STRA8: variants seen among roughly 807,000 people sequenced by gnomAD.
STRA8 encodes the protein stimulated by retinoic acid 8.
In STRA8, 18 loss-of-function variants were observed where a neutral mutation model predicts 37.1. The ratio of observed to expected loss-of-function variants is 0.48; its 90% confidence interval spans 0.34 to 0.72. The LOEUF is 0.72. STRA8 is among the 30% of genes least tolerant of loss of function. The pLI is 0.01. For missense variants in STRA8, 357 were observed against 410.4 expected, an observed-to-expected ratio of 0.87 and a Z score of 1.13; for synonymous variants, 168 against 162.9, an observed-to-expected ratio of 1.03 and a Z score of -0.24.
intron 8 of STRA8, 146 bp from the exon 9 acceptor site, chr7:135,258,272 C>G (rs1381473682): frequency 1.5e-5 from 9 of 591,644 alleles, no homozygotes; most frequent in South Asian, 2.2e-5. Flanking sequence ...TGCTTCCTGG[C>G]CCAAGCTGGA....
At position 135,246,114 on chromosome 7, in the gene STRA8, T is replaced by C; in HGVS notation, c.594-303T>C. 2.3e-6 allele frequency: 1 copy of C among 432,454 alleles called. No individual in the cohort carries two copies. Among genetic ancestry groups the C allele is most frequent in the East Asian group, 4.7e-5 (1 of 21,142 alleles). The allele number at this position is 432,454 out of a possible 1,614,324, so 26.8% of individuals were successfully genotyped here. A position where few individuals can be genotyped will look rare whatever the true frequency, so the allele number is the denominator to read the frequency against. ...CTCAGAATTTTCAAGAATATTCCCT[T>C]AGGATGAGAGCTGAGGCAGCTACGC... is the stretch of plus-strand genomic sequence containing the variant. On this transcript the variant is annotated intron_variant, in intron 5 of 8. Coordinates refer to ENST00000662584, the MANE Select transcript of STRA8 (RefSeq NM_001394401.1). This position sits in a 1 kb window ranked among gnomAD's most constrained non-coding sequence, Gnocchi z 5.4.
rs1832554551 is a variant in STRA8 at position 135,246,411 on chromosome 7, T to C, written c.594-6T>C. On this transcript the variant is annotated splice_polypyrimidine_tract_variant and splice_region_variant and intron_variant, in intron 5 of 8. Coordinates refer to ENST00000662584, the MANE Select transcript of STRA8 (RefSeq NM_001394401.1). This position sits in a 1 kb window ranked among gnomAD's most constrained non-coding sequence, Gnocchi z 5.4. ...GGGGTGCGAGACGGCGCCGCTTCTG[T>C]TCCAGGTATCTCAACTTTTACAAAC... 6.3e-7 allele frequency: 1 copy of C among 1,598,104 alleles called. No individual in the cohort carries two copies. Among genetic ancestry groups the C allele is most frequent in the Non-Finnish European group, 8.5e-7 (1 of 1,171,458 alleles).
At position 135,252,013 on chromosome 7, in the gene STRA8, A is replaced by AGAGTGTGTGTGT. The variant is rs142941773; in HGVS notation, c.953+145_953+146insAGTGTGTGTGTG. 6.5e-4 allele frequency: 327 copies of AGAGTGTGTGTGT among 505,352 alleles called. 1 individual carries two copies. The highest frequency in any genetic ancestry group is 4.7e-3 in the African/African-American group (214 of 45,076). 31.3% of individuals were successfully genotyped at this position (505,352 alleles called of 1,614,324 possible). ...AGAGGAGACAGAGGGAGAGAGAGAG[A>AGAGTGTGTGTGT]GTGTGTGTGTGTGTGTGTGTGTGTG... On this transcript the variant is annotated intron_variant, in intron 7 of 8. Transcript: ENST00000662584.
intron 1 of STRA8, among the ~76,000 whole-genome samples, chr7:135,235,665 C>T (rs568093320): frequency 6.6e-6 from 1 of 152,326 alleles, no homozygotes; most frequent in Admixed American, 6.5e-5. Flanking sequence ...TGGTCTTGAA[C>T]TCCTTACCTC....
intron 7 of STRA8, among the ~76,000 whole-genome samples, chr7:135,253,458 C>G (rs1832664855): frequency 6.6e-6 from 1 of 152,112 alleles, no homozygotes; most frequent in African/African-American, 2.4e-5. Context: ...GGAGGGGGCT[C>G]TGGGGCACAG....
chr7:135,258,404 C>T lies in STRA8; in HGVS notation c.1066-14C>T. The T allele has an allele frequency of 6.3e-7, 1 of 1,592,920 alleles. No homozygotes were observed. On this transcript the variant is annotated splice_polypyrimidine_tract_variant and intron_variant, in intron 8 of 8. Coordinates refer to ENST00000662584, the MANE Select transcript of STRA8 (RefSeq NM_001394401.1). The stretch of plus-strand genomic sequence containing the variant: ...CAGATAAAAAGTGACCCTCTTCCAC[C>T]CTGTGTCTTGCAGGAAGCATCCTTT...
Position 135,255,190 on chromosome 7 carries a change from A to T in STRA8, c.1030A>T (p.Lys344Ter). The change falls in exon 8 of 9, where the codon AAA becomes TAA. Residue 344 changes from lysine to a stop codon, truncating the protein, a stop_gained. Coordinates refer to ENST00000662584, the MANE Select transcript of STRA8 (RefSeq NM_001394401.1). LOFTEE classifies it low-confidence loss of function (END_TRUNC). ...CTATATGCAGATCATCAACTTTTTT[A>T]AAGGCCTTAGCTGTGCAAACACTCA... Reference protein sequence around the residue: ...QLYMQIINFFKGLSCANTQVK... With the variant: ...QLYMQIINFF The T allele has an allele frequency of 6.2e-7, 1 of 1,613,942 alleles. No homozygotes were observed. The highest frequency in any genetic ancestry group is 8.5e-7 in the Non-Finnish European group (1 of 1,179,830).
chr7:135,245,548 T>C (rs1425677623), intron 5 of STRA8, among the ~76,000 whole-genome samples, 21 bp downstream of exon 5: 1 of 152,042 alleles, frequency 6.6e-6, no homozygotes, highest in African/African-American at 2.4e-5. Context: ...TTGGGTGGGG[T>C]GGCTCTGTGC....
chr7:135,233,018 A>G (rs1286263110), upstream of STRA8, among the ~76,000 whole-genome samples: 1 of 152,204 alleles, frequency 6.6e-6, no homozygotes, highest in African/African-American at 2.4e-5. Context: ...CCAAATGTGT[A>G]GGGCCTCGCT....
chr7:135,252,016 GT>G, intron 7 of STRA8, 147 bp downstream of exon 7: 2 of 634,002 alleles, frequency 3.2e-6, no homozygotes, highest in East Asian at 2.9e-5. Flanking sequence ...GAGAGAGAGT[GT>G]GTGTGTGTGT....
At position 135,246,509 on chromosome 7, in the gene STRA8, C is replaced by T. The variant is rs1832557728; in HGVS notation, c.686C>T (p.Ala229Val). ...QEAALPIVSA[A>V]ISHLWQNLSE... is the part of the protein sequence containing the mutation. Reference sequence around the variant, plus strand: ...GCGGCGCTGCCCATCGTCTCCGCGGCCATCTCCCACCTGTGGCAGAACCTC... The same window carrying T: ...GCGGCGCTGCCCATCGTCTCCGCGGTCATCTCCCACCTGTGGCAGAACCTC... Residue 229 changes from alanine (A) to valine (V), a missense_variant, in exon 6 of 9, where the codon GCC (alanine) becomes GTC (valine). Ala to Val is a moderately conservative substitution (Grantham distance 64, BLOSUM62 0). Coordinates refer to ENST00000662584, the MANE Select transcript of STRA8 (RefSeq NM_001394401.1). The surrounding 1 kb of genome is among the most constrained non-coding windows in gnomAD (Gnocchi z 5.4). 6.3e-7 allele frequency: 1 copy of T among 1,575,964 alleles called. No individual in the cohort carries two copies. The highest frequency in any genetic ancestry group is 8.6e-7 in the Non-Finnish European group (1 of 1,160,632).
chr7:135,245,949 C>T (rs757869047), intron 5 of STRA8, among the ~76,000 whole-genome samples: 3 of 152,170 alleles, frequency 2.0e-5, no homozygotes, highest in Non-Finnish European at 4.4e-5. Flanking sequence ...ACTGCCTCCT[C>T]CATAGACTCA....
chr7:135,239,505 C>T (rs1376711035), intron 1 of STRA8, among the ~76,000 whole-genome samples: 2 of 152,226 alleles, frequency 1.3e-5, no homozygotes, highest in African/African-American at 4.8e-5. Flanking sequence ...AACTCCAGTA[C>T]TGAGCACCTA....
At chr7:135,257,573 C>T (rs1427260177) in intron 8 of STRA8, among the ~76,000 whole-genome samples, 5 of 151,972 alleles carry the variant, frequency 3.3e-5, no homozygotes, top group Admixed American at 2.0e-4. Flanking sequence ...TACAGGCGCA[C>T]ACCACCATGC....
intron 1 of STRA8, among the ~76,000 whole-genome samples, chr7:135,234,867 T>C (rs1018741533): frequency 6.6e-6 from 1 of 152,194 alleles, no homozygotes. Flanking sequence ...CAATAAGTTT[T>C]GGTTTTCTTT....
chr7:135,233,989 G>A lies in STRA8; in HGVS notation c.-7+86G>A, dbSNP rs1277602953. On this transcript the variant is annotated intron_variant, in intron 1 of 8. Transcript: ENST00000662584. ...TAGACTTGAAAGAATTCAGTGCAGC[G>A]GAGCCTAACAGGTGAACTTTTAGCG... Among the ~76,000 whole-genome samples, 5 of 152,234 alleles carry A rather than the reference G, an allele frequency of 3.3e-5. No individual in the cohort carries two copies. In the East Asian group the frequency reaches 5.8e-4, roughly 18 times the overall value.
In STRA8 at chr7:135,246,791, T is replaced by C. The variant is rs1392181939; in HGVS notation, c.879+89T>C. 1.5e-6 allele frequency: 2 copies of C among 1,357,028 alleles called. No individual in the cohort carries two copies. Among genetic ancestry groups the C allele is most frequent in the African/African-American group, 1.5e-5 (1 of 66,830 alleles). The allele number at this position is 1,357,028 out of a possible 1,614,324, so 84.1% of individuals were successfully genotyped here. A position where few individuals can be genotyped will look rare whatever the true frequency, so the allele number is the denominator to read the frequency against. ...ACACCAGGGCTTTGCATTTAGCAGG[T>C]TGGAGGTGCAGTTTGCCTTCTGGCT... On this transcript the variant is annotated intron_variant, in intron 6 of 8. Transcript: ENST00000662584. This position sits in a 1 kb window ranked among gnomAD's most constrained non-coding sequence, Gnocchi z 5.4.
intron 1 of STRA8, among the ~76,000 whole-genome samples, chr7:135,236,254 T>TTA (rs1554406105): frequency 0.33 from 34,264 of 104,674 alleles, 4,265 homozygotes; most frequent in Middle Eastern, 0.6. Context: ...GACCCCATCT[T>TTA]TATATATATA....
intron 7 of STRA8, among the ~76,000 whole-genome samples, chr7:135,253,534 A>G (rs1832665961): frequency 6.6e-6 from 1 of 152,154 alleles, no homozygotes. Context: ...AGTTCTGCAA[A>G]GGGGGGTTGC....
Sources: gnomAD v4.1 joint callset for allele counts (sites outside exome capture counted in the v4.1 genomes callset) on GRCh38, gnomAD v4.1.1 for gene constraint, Gnocchi (gnomAD v3.1) non-coding constraint, MANE v1.5 for transcripts, NCBI Gene and HGNC (gene_info 2026-07-23, HGNC 2026-07-21) for gene names.